The following RSPO2 variants were observed in gnomAD, a reference collection of about 807,000 sequenced individuals.
The protein encoded by RSPO2 is R-spondin-2.
In RSPO2, 14 loss-of-function variants were observed where a neutral mutation model predicts 30.9. That is an observed-to-expected ratio of 0.45 (90% CI 0.30 to 0.71). The LOEUF is 0.71. Ranked by LOEUF, RSPO2 falls within the 30% of genes least tolerant of loss-of-function variation. The probability of loss-of-function intolerance (pLI) is 0.08; values close to 1 mark genes in which losing one functional copy is unlikely to be tolerated. For missense variants in RSPO2, 264 were observed against 301.9 expected (o/e 0.87, Z 0.93); for synonymous variants, 107 against 96.4 (o/e 1.11, Z -0.64).
intron 2 of RSPO2, among the ~76,000 whole-genome samples, chr8:108,002,214 G>T (rs1486584548): frequency 6.6e-6 from 1 of 152,146 alleles, no homozygotes; most frequent in African/African-American, 2.4e-5. Context: ...ACCCCAGCAT[G>T]AGCAGATCTA....
At chr8:107,948,127 A>G (rs1159462483) in intron 5 of RSPO2, among the ~76,000 whole-genome samples, 2 of 152,210 alleles carry the variant, frequency 1.3e-5, no homozygotes, top group Admixed American at 6.5e-5. Context: ...GACACTCAAT[A>G]ATTTAAAAAT....
chr8:107,985,945 G>T (rs1474974756), intron 3 of RSPO2, among the ~76,000 whole-genome samples: 1 of 152,136 alleles, frequency 6.6e-6, no homozygotes, highest in Non-Finnish European at 1.5e-5. Flanking sequence ...TCAAAAGAAG[G>T]ATATTGCTTT....
At chr8:108,006,921 A>T (rs1348833524) in intron 2 of RSPO2, among the ~76,000 whole-genome samples, 1 of 152,184 alleles carries the variant, frequency 6.6e-6, no homozygotes, top group Non-Finnish European at 1.5e-5. Context: ...AACTGTTTGA[A>T]AGTAAATTGC....
chr8:107,956,748 T>C (rs919060684), intron 5 of RSPO2, among the ~76,000 whole-genome samples: 1 of 152,172 alleles, frequency 6.6e-6, no homozygotes, highest in African/African-American at 2.4e-5. Flanking sequence ...ATGTAAACAA[T>C]ATACAACAAA....
chr8:107,964,235 GTTCATTCA>G (rs757686435), intron 3 of RSPO2, among the ~76,000 whole-genome samples: 2 of 152,072 alleles, frequency 1.3e-5, no homozygotes, highest in Non-Finnish European at 2.9e-5. Flanking sequence ...GCATTCATTC[GTTCATTCA>G]TTCATTCATT....
intron 2 of RSPO2, among the ~76,000 whole-genome samples, chr8:108,065,049 A>G (rs548823447): frequency 1.2e-4 from 19 of 152,218 alleles, no homozygotes; most frequent in African/African-American, 4.6e-4. Context: ...GAGGGATAGC[A>G]TTAGGATATA....
At chr8:107,909,966 C>T (rs559624155) in intron 5 of RSPO2, among the ~76,000 whole-genome samples, 67 of 152,110 alleles carry the variant, frequency 4.4e-4, no homozygotes, top group Non-Finnish European at 9.0e-4. Context: ...TGTACAGGTG[C>T]CTGCCCTAAA....
chr8:108,004,473 G>A (rs576322840), intron 2 of RSPO2, among the ~76,000 whole-genome samples: 1 of 152,168 alleles, frequency 6.6e-6, no homozygotes, highest in African/African-American at 2.4e-5. Flanking sequence ...CCACTCAAAT[G>A]ATCAAAACTA....
intron 2 of RSPO2, among the ~76,000 whole-genome samples, chr8:108,069,376 GC>G (rs1486069168): frequency 6.6e-6 from 1 of 152,098 alleles, no homozygotes; most frequent in Non-Finnish European, 1.5e-5. Context: ...ACCCCACCCA[GC>G]TAATTTTTGT....
At chr8:108,072,523 A>G (rs1812889983) in intron 2 of RSPO2, among the ~76,000 whole-genome samples, 1 of 130,062 alleles carries the variant, frequency 7.7e-6, no homozygotes, top group African/African-American at 3.0e-5. Context: ...TATTTTTAGT[A>G]GAGACGGGGT....
intron 5 of RSPO2, among the ~76,000 whole-genome samples, chr8:107,925,409 ATATT>A (rs1193034656): frequency 6.6e-6 from 1 of 151,138 alleles, no homozygotes. Context: ...ATATTTATAT[ATATT>A]TTTTATTATA....
At chr8:108,066,622 C>T (rs1436665972) in intron 2 of RSPO2, among the ~76,000 whole-genome samples, 2 of 152,062 alleles carry the variant, frequency 1.3e-5, no homozygotes, top group African/African-American at 2.4e-5. Flanking sequence ...TTTCTAAGAA[C>T]CTGCAATTAA....
At chr8:108,066,812 C>G (rs752111741) in intron 2 of RSPO2, among the ~76,000 whole-genome samples, 3 of 152,024 alleles carry the variant, frequency 2.0e-5, no homozygotes, top group South Asian at 2.1e-4. Flanking sequence ...TTAATTCAGA[C>G]AAATATTAAA....
At position 107,900,449 on chromosome 8, in the gene RSPO2, A is replaced by G. The variant is rs1586521169; in HGVS notation, c.*626T>C. 1 of 152,630 alleles carries G rather than the reference A, an allele frequency of 6.6e-6. No individual in the cohort carries two copies. Among genetic ancestry groups the G allele is most frequent in the Non-Finnish European group, 1.5e-5 (1 of 68,042 alleles). 9.5% of individuals were successfully genotyped at this position (152,630 alleles called of 1,614,324 possible). ...ACCACTAGAAACAAAGTGGCATCAT[A>G]TTAATCAGGTATGACTTGTTACCCA... On this transcript the variant is annotated 3_prime_UTR_variant, in exon 6 of 6. Transcript: ENST00000276659.
intron 5 of RSPO2, among the ~76,000 whole-genome samples, chr8:107,937,948 T>A (rs1812773098): frequency 6.6e-6 from 1 of 152,090 alleles, no homozygotes; most frequent in African/African-American, 2.4e-5. Context: ...ATGGGGTATA[T>A]ATAAATATTT....
At chr8:107,960,870 T>G (rs1429039698) in intron 3 of RSPO2, 53 bp from the exon 4 acceptor site, 1 of 1,387,244 alleles carries the variant, frequency 7.2e-7, no homozygotes, top group African/African-American at 1.5e-5. Context: ...GAAATTTACT[T>G]GTTTTACAAA....
At chr8:108,024,049 G>T (rs971775491) in intron 2 of RSPO2, among the ~76,000 whole-genome samples, 3 of 151,988 alleles carry the variant, frequency 2.0e-5, no homozygotes, top group African/African-American at 7.3e-5. Flanking sequence ...GTCCAAATAC[G>T]GTGTGTCCCT....
intron 2 of RSPO2, among the ~76,000 whole-genome samples, chr8:108,025,903 A>T (rs778969239): frequency 2.0e-5 from 3 of 152,240 alleles, no homozygotes; most frequent in African/African-American, 2.4e-5. Flanking sequence ...CAATCATTAC[A>T]GTAATAATTA....
chr8:107,899,619 A>G lies in RSPO2; in HGVS notation c.*1456T>C, dbSNP rs899834421. The G allele has an allele frequency of 1.3e-5, 2 of 152,580 alleles. No individual in the cohort carries two copies. The highest frequency in any genetic ancestry group is 4.8e-5 in the African/African-American group (2 of 41,442). The allele number at this position is 152,580 out of a possible 1,614,324, so 9.5% of individuals were successfully genotyped here. ...AAACACTGAAGAGGTAGTTTTGCCA[A>G]TGCAAGGTGAAAAAAAAAAGGCTTT... On this transcript the variant is annotated 3_prime_UTR_variant, in exon 6 of 6. Coordinates refer to ENST00000276659, the MANE Select transcript of RSPO2 (RefSeq NM_178565.5).
Sources: gnomAD v4.1 joint callset for allele counts (sites outside exome capture counted in the v4.1 genomes callset) on GRCh38, gnomAD v4.1.1 for gene constraint, MANE v1.5 for transcripts, NCBI Gene and HGNC (gene_info 2026-07-23, HGNC 2026-07-21) for gene names.